The following PLGLB2 variants were observed in gnomAD, a reference collection of about 807,000 sequenced individuals.
The protein encoded by PLGLB2 is plasminogen like B2, also known as plasminogen-like protein B.
chr2:87,757,966 A>AC lies in PLGLB2; in HGVS notation c.*1151dup, dbSNP rs1413690242. Among the ~76,000 whole-genome samples, 7,344 of 42,312 alleles carry AC rather than the reference A, an allele frequency of 0.17. 1 individual carries two copies. Among genetic ancestry groups the AC allele is most frequent in the East Asian group, 0.26 (304 of 1,164 alleles). The allele number at this position is 42,312 out of a possible 152,430, so 27.8% of individuals were successfully genotyped here. A position where few individuals can be genotyped will look rare whatever the true frequency, so the allele number is the denominator to read the frequency against. ...ACTGAGGTCTTGGGGGGTGGGGGTT[A>AC]CCCAAATAGGTTCACAGAAGAACCA... On this transcript the variant is annotated 3_prime_UTR_variant, in exon 4 of 4. Transcript: ENST00000359481.
At chr2:87,750,076 AG>A (rs1684621691) in intron 1 of PLGLB2, among the ~76,000 whole-genome samples, 1 of 151,918 alleles carries the variant, frequency 6.6e-6, no homozygotes, top group South Asian at 2.1e-4. Flanking sequence ...GGTGAATAAG[AG>A]AAAAAAAAAA....
chr2:87,752,877 C>A (rs1298482220), intron 2 of PLGLB2, among the ~76,000 whole-genome samples: 1 of 66,510 alleles, frequency 1.5e-5, no homozygotes, highest in Non-Finnish European at 2.9e-5. Flanking sequence ...GTTGAGGCAG[C>A]TAGAGAAGGC....
At chr2:87,751,496 C>G (rs1297873301) in intron 1 of PLGLB2, 1 of 151,402 alleles carries the variant, frequency 6.6e-6, no homozygotes, top group African/African-American at 2.4e-5. Context: ...ATCTATGCAC[C>G]AAAATTTATG....
At position 87,759,103 on chromosome 2, in the gene PLGLB2, G is replaced by A. The variant is rs1372391876; in HGVS notation, c.*2285G>A. On this transcript the variant is annotated 3_prime_UTR_variant, in exon 4 of 4. Transcript: ENST00000359481. ...GCGATCTCAGCTCACCACAACCTCC[G>A]CCTCCGGGTTCAAGCGATTCTCCTA... Among the ~76,000 whole-genome samples the A allele has an allele frequency of 3.8e-5, 5 of 130,338 alleles. No individual in the cohort carries two copies. Among genetic ancestry groups the A allele is most frequent in the Admixed American group, 1.6e-4 (2 of 12,570 alleles). The allele number at this position is 130,338 out of a possible 152,430, so 85.5% of individuals were successfully genotyped here. A position where few individuals can be genotyped will look rare whatever the true frequency, so the allele number is the denominator to read the frequency against.
chr2:87,750,357 T>C (rs1254313465), intron 1 of PLGLB2, among the ~76,000 whole-genome samples: 1 of 151,344 alleles, frequency 6.6e-6, no homozygotes, highest in African/African-American at 2.4e-5. Flanking sequence ...TATTGTGTGT[T>C]TTGAAGTCAC....
chr2:87,750,168 G>A (rs1241441760), intron 1 of PLGLB2, among the ~76,000 whole-genome samples: 2 of 152,274 alleles, frequency 1.3e-5, no homozygotes, highest in Non-Finnish European at 2.9e-5. Flanking sequence ...AGCTGGGGAG[G>A]GGATCTCAGC....
At chr2:87,753,314 G>A (rs1208968311) in intron 2 of PLGLB2, among the ~76,000 whole-genome samples, 1,226 of 42,726 alleles carry the variant, frequency 0.029, no homozygotes, top group African/African-American at 0.044. Context: ...ATGAGGGAGG[G>A]AAGGTAAGGG....
At chr2:87,751,471 T>C (rs1384543655) in intron 1 of PLGLB2, 1 of 151,104 alleles carries the variant, frequency 6.6e-6, no homozygotes, top group Non-Finnish European at 1.5e-5. Flanking sequence ...TCAGTTCTTG[T>C]TTATTTCCAC....
intron 1 of PLGLB2, chr2:87,751,450 C>A (rs1433925259): frequency 6.6e-6 from 1 of 150,542 alleles, no homozygotes; most frequent in African/African-American, 2.4e-5. Context: ...AAGTTGGCAA[C>A]ATAATTTAGT....
At chr2:87,748,848 A>G (rs1684599353) in intron 1 of PLGLB2, among the ~76,000 whole-genome samples, 2 of 107,674 alleles carry the variant, frequency 1.9e-5, no homozygotes, top group South Asian at 7.3e-4. Flanking sequence ...CTGTGTGTGA[A>G]TGTGAGTGTG....
chr2:87,756,378 C>A, intron 3 of PLGLB2: 1 of 145,794 alleles, frequency 6.9e-6, no homozygotes, highest in Non-Finnish European at 1.5e-5. Context: ...TCGGAAAAGC[C>A]TGCCATTCCC....
chr2:87,749,166 G>T (rs1335313867), intron 1 of PLGLB2, among the ~76,000 whole-genome samples: 2 of 149,732 alleles, frequency 1.3e-5, no homozygotes, highest in African/African-American at 2.4e-5. Flanking sequence ...TTAATGTATA[G>T]AATTCACCCA....
chr2:87,755,397 CA>C lies in PLGLB2; in HGVS notation c.*2-1420del, dbSNP rs1368983754. Among the ~76,000 whole-genome samples, 5 of 102,220 alleles carry C rather than the reference CA, an allele frequency of 4.9e-5. No individual in the cohort carries two copies. In the East Asian group the frequency reaches 1.4e-3, roughly 29 times the overall value. The allele number at this position is 102,220 out of a possible 152,430, so 67.1% of individuals were successfully genotyped here. A position where few individuals can be genotyped will look rare whatever the true frequency, so the allele number is the denominator to read the frequency against. ...GTCAGCTCAATCATCACCTCCTTTG[CA>C]AATCTTCCTTGACCCCTAGACCTCC... On this transcript the variant is annotated intron_variant, in intron 3 of 3. Coordinates refer to ENST00000359481, the MANE Select transcript of PLGLB2 (RefSeq NM_002665.4).
chr2:87,751,385 G>C (rs1684642638), intron 1 of PLGLB2: 1 of 148,052 alleles, frequency 6.8e-6, no homozygotes, highest in Non-Finnish European at 1.5e-5. Flanking sequence ...GTACAAAAAT[G>C]GCCTTCTTTG....
At chr2:87,754,716 A>C (rs1684684673) in intron 3 of PLGLB2, among the ~76,000 whole-genome samples, 1 of 150,476 alleles carries the variant, frequency 6.6e-6, no homozygotes, top group Non-Finnish European at 1.5e-5. Flanking sequence ...ACGGTAAACT[A>C]AATAGGATGA....
intron 1 of PLGLB2, chr2:87,751,357 GTGAC>G (rs1684642025): frequency 6.8e-6 from 1 of 146,318 alleles, no homozygotes; most frequent in African/African-American, 2.5e-5. Context: ...GTAGTGTTGT[GTGAC>G]TGTCATCAGC....
intron 1 of PLGLB2, among the ~76,000 whole-genome samples, chr2:87,750,110 A>T (rs2104195619): frequency 6.6e-6 from 1 of 152,392 alleles, no homozygotes; most frequent in Middle Eastern, 3.4e-3. Context: ...ATTTCAAATT[A>T]AAAAGAAAAA....
rs367719092 is a variant in PLGLB2 at position 87,748,909 on chromosome 2, G to A, written c.49+707G>A. On this transcript the variant is annotated intron_variant, in intron 1 of 3. Coordinates refer to ENST00000359481, the MANE Select transcript of PLGLB2 (RefSeq NM_002665.4). ...CTTATTTAGCTCGCGGTATAGGTAG[G>A]GTAGCATATTCACCCTCATTTTATA... 5.9e-4 allele frequency among the ~76,000 whole-genome samples: 73 copies of A among 124,158 alleles called. 11 individuals carry two copies. The South Asian group carries it at 0.02, about 34-fold the overall frequency. 81.5% of individuals were successfully genotyped at this position (124,158 alleles called of 152,430 possible).
intron 3 of PLGLB2, among the ~76,000 whole-genome samples, chr2:87,755,020 A>C (rs1407795355): frequency 6.8e-6 from 1 of 146,514 alleles, no homozygotes; most frequent in Non-Finnish European, 1.5e-5. Flanking sequence ...TCAGTGTTAG[A>C]TCACGTTTAC....
Sources: allele counts gnomAD v4.1 joint callset (sites outside exome capture counted in the v4.1 genomes callset), GRCh38; gene constraint gnomAD v4.1.1; transcripts MANE v1.5; gene names NCBI Gene and HGNC (gene_info 2026-07-23, HGNC 2026-07-21).